PXDNL: variants seen among roughly 807,000 people sequenced by gnomAD.
PXDNL encodes the protein probable oxidoreductase PXDNL.
A neutral mutation model predicts 150.8 loss-of-function variants in PXDNL; 145 were observed. That is an observed-to-expected ratio of 0.96 (90% CI 0.84 to 1.10). PXDNL has a LOEUF of 1.10. Among genes scored for constraint, PXDNL ranks in the 50% least tolerant of loss-of-function variants. The pLI, the probability that PXDNL is intolerant of heterozygous loss-of-function variation, is 0.00. For missense variants in PXDNL, 2,087 were observed against 1,873.9 expected, an observed-to-expected ratio of 1.11 and a Z score of -2.10; for synonymous variants, 757 against 725.7, an observed-to-expected ratio of 1.04 and a Z score of -0.69.
At chr8:51,694,314 G>C (rs943740065) in intron 1 of PXDNL, among the ~76,000 whole-genome samples, 4 of 152,118 alleles carry the variant, frequency 2.6e-5, no homozygotes, top group Non-Finnish European at 5.9e-5. Context: ...ACTGAGCCAA[G>C]ATGGTGCTAC....
chr8:51,724,073 C>G (rs1208884540), intron 1 of PXDNL, among the ~76,000 whole-genome samples: 4 of 142,298 alleles, frequency 2.8e-5, no homozygotes, highest in Non-Finnish European at 4.6e-5. Flanking sequence ...TATCGCCGGA[C>G]CAGGGGTGGG....
chr8:51,668,231 G>A (rs1815430200), intron 1 of PXDNL, among the ~76,000 whole-genome samples: 2 of 121,044 alleles, frequency 1.7e-5, no homozygotes, highest in South Asian at 5.7e-4. Context: ...GCTGCATGCA[G>A]TGGCGCTATC....
chr8:51,435,098 C>T (rs1030234653), intron 12 of PXDNL, among the ~76,000 whole-genome samples: 4 of 152,064 alleles, frequency 2.6e-5, no homozygotes, highest in African/African-American at 9.7e-5. Flanking sequence ...GCGGGCAGAT[C>T]ACAAGGTCAG....
At chr8:51,538,413 G>T (rs1413779908) in intron 4 of PXDNL, among the ~76,000 whole-genome samples, 1 of 151,946 alleles carries the variant, frequency 6.6e-6, no homozygotes, top group East Asian at 1.9e-4. Context: ...TCAGACTGAG[G>T]GGATGATTAG....
intron 1 of PXDNL, among the ~76,000 whole-genome samples, chr8:51,723,470 A>G (rs1211068790): frequency 8.5e-5 from 13 of 152,212 alleles, no homozygotes; most frequent in Non-Finnish European, 2.9e-5. Context: ...CACGGGCGAT[A>G]TCAGCCTCAA....
chr8:51,512,419 G>A (rs750233829), intron 4 of PXDNL, among the ~76,000 whole-genome samples: 3 of 152,074 alleles, frequency 2.0e-5, no homozygotes, highest in Admixed American at 6.5e-5. Flanking sequence ...ATTCCAATAC[G>A]TCCCCCTCTC....
intron 3 of PXDNL, among the ~76,000 whole-genome samples, chr8:51,577,971 GAA>G (rs1373811917): frequency 1.5e-3 from 142 of 92,004 alleles, no homozygotes; most frequent in Middle Eastern, 0.014. Context: ...AAGAAAGAAA[GAA>G]AGAAAGAAAG....
At chr8:51,680,948 C>T (rs568094103) in intron 1 of PXDNL, among the ~76,000 whole-genome samples, 43 of 151,036 alleles carry the variant, frequency 2.8e-4, no homozygotes, top group Admixed American at 2.8e-3. Flanking sequence ...CCTAGAAGAC[C>T]AGGGTTTTGG....
At chr8:51,523,348 A>C (rs1443935417) in intron 4 of PXDNL, among the ~76,000 whole-genome samples, 1 of 152,204 alleles carries the variant, frequency 6.6e-6, no homozygotes, top group African/African-American at 2.4e-5. Flanking sequence ...TTGGAAAATA[A>C]AATTTTCTCT....
At chr8:51,351,514 C>T (rs894767636) in intron 19 of PXDNL, among the ~76,000 whole-genome samples, 2 of 152,208 alleles carry the variant, frequency 1.3e-5, no homozygotes, top group African/African-American at 4.8e-5. Context: ...CAGTTGGAAC[C>T]AGCCCTGCCA....
intron 4 of PXDNL, among the ~76,000 whole-genome samples, chr8:51,507,792 G>A (rs1321882710): frequency 6.6e-6 from 1 of 152,154 alleles, no homozygotes; most frequent in Non-Finnish European, 1.5e-5. Flanking sequence ...GCCTCCAGTG[G>A]GGAGGGACCA....
chr8:51,632,810 G>C (rs569161913), intron 2 of PXDNL, among the ~76,000 whole-genome samples: 2 of 152,152 alleles, frequency 1.3e-5, no homozygotes, highest in African/African-American at 4.8e-5. Flanking sequence ...ATCAGTAACA[G>C]AAGTAAAACT....
At chr8:51,760,734 C>T (rs1254934421) in intron 1 of PXDNL, among the ~76,000 whole-genome samples, 2 of 150,034 alleles carry the variant, frequency 1.3e-5, no homozygotes, top group South Asian at 4.3e-4. Flanking sequence ...TCCAAAGTAA[C>T]TTTGAAATTC....
chr8:51,720,249 G>T (rs1244160991), intron 1 of PXDNL, among the ~76,000 whole-genome samples: 1 of 148,326 alleles, frequency 6.7e-6, no homozygotes, highest in African/African-American at 2.5e-5. Context: ...GAAGCAAATT[G>T]TTCTTAAAAA....
At chr8:51,521,137 G>C (rs1026514976) in intron 4 of PXDNL, among the ~76,000 whole-genome samples, 9 of 152,160 alleles carry the variant, frequency 5.9e-5, no homozygotes, top group African/African-American at 2.2e-4. Flanking sequence ...AGCTACCTGG[G>C]AGGATGAGGT....
intron 2 of PXDNL, among the ~76,000 whole-genome samples, chr8:51,627,885 C>CT (rs1284048060): frequency 6.6e-6 from 1 of 152,078 alleles, no homozygotes; most frequent in Non-Finnish European, 1.5e-5. Context: ...TGTCTGGGGC[C>CT]TACCTAAAAG....
chr8:51,371,756 G>T (rs1586043935), intron 19 of PXDNL, 117 bp downstream of exon 19: 6 of 942,292 alleles, frequency 6.4e-6, no homozygotes, highest in Admixed American at 4.3e-5. Flanking sequence ...GGAAAGTTCT[G>T]TGTTGTTGGC....
intron 17 of PXDNL, among the ~76,000 whole-genome samples, chr8:51,375,584 G>A (rs1807276864): frequency 6.6e-6 from 1 of 152,200 alleles, no homozygotes; most frequent in Non-Finnish European, 1.5e-5. Context: ...ACTTGGCGAT[G>A]CAATTGTGTG....
At chr8:51,761,786 C>A (rs1393851317) in intron 1 of PXDNL, among the ~76,000 whole-genome samples, 2 of 152,090 alleles carry the variant, frequency 1.3e-5, no homozygotes, top group Non-Finnish European at 2.9e-5. Flanking sequence ...ATAAATATAA[C>A]AGAAAATTTC....
Sources: allele counts gnomAD v4.1 joint callset (sites outside exome capture counted in the v4.1 genomes callset), GRCh38; gene constraint gnomAD v4.1.1; transcripts MANE v1.5; gene names NCBI Gene and HGNC (gene_info 2026-07-23, HGNC 2026-07-21).